SUGCT: variants seen among roughly 807,000 people sequenced by gnomAD.
The protein encoded by SUGCT is succinyl-CoA:glutarate CoA-transferase.
Under a neutral mutation model 55.0 loss-of-function variants are expected in SUGCT, and 41 were observed. The observed-to-expected ratio is 0.74, with a 90% confidence interval of 0.58 to 0.97. The LOEUF (loss-of-function observed/expected upper bound fraction) is 0.97. SUGCT is among the 50% of genes least tolerant of loss of function. SUGCT has a pLI of 0.00. For missense variants in SUGCT, 568 were observed against 547.8 expected, an observed-to-expected ratio of 1.04 and a Z score of -0.37; for synonymous variants, 187 against 200.4, an observed-to-expected ratio of 0.93 and a Z score of 0.56.
At chr7:40,281,526 A>T (rs1035137954) in intron 8 of SUGCT, among the ~76,000 whole-genome samples, 3 of 152,224 alleles carry the variant, frequency 2.0e-5, no homozygotes, top group Non-Finnish European at 4.4e-5. Context: ...TACCTAATTT[A>T]TTGTAAGTTT....
intron 9 of SUGCT, among the ~76,000 whole-genome samples, chr7:40,370,214 A>G (rs1294131619): frequency 1.3e-5 from 2 of 152,164 alleles, no homozygotes; most frequent in South Asian, 2.1e-4. Context: ...CTTTCCTCTC[A>G]GCTTAATTAG....
At chr7:40,141,804 A>C (rs1404301248) in intron 1 of SUGCT, 1 of 393,872 alleles carries the variant, frequency 2.5e-6, no homozygotes, top group Admixed American at 2.6e-5. Flanking sequence ...GGAATATAAA[A>C]TTTTCTTTTT....
At chr7:41,030,942 G>A in the SUGCT span, among the ~76,000 whole-genome samples, 7 of 152,094 alleles carry the variant, frequency 4.6e-5, no homozygotes, top group Non-Finnish European at 1.0e-4. Context: ...AATGTAGTAG[G>A]AACCAAGTGC....
intron 1 of SUGCT, among the ~76,000 whole-genome samples, chr7:40,168,582 G>A (rs1265723112): frequency 2.0e-5 from 3 of 152,058 alleles, no homozygotes; most frequent in African/African-American, 7.3e-5. Flanking sequence ...CACTTCACAG[G>A]CCCTGACTAT....
intron 11 of SUGCT, among the ~76,000 whole-genome samples, chr7:40,475,052 C>A (rs1286445393): frequency 6.6e-6 from 1 of 152,166 alleles, no homozygotes; most frequent in Non-Finnish European, 1.5e-5. Context: ...AAGCTATGTG[C>A]CACGTTGACT....
At chr7:40,349,883 A>G (rs1583484112) in intron 9 of SUGCT, among the ~76,000 whole-genome samples, 1 of 152,266 alleles carries the variant, frequency 6.6e-6, no homozygotes, top group South Asian at 2.1e-4. Context: ...TGCTCTACTA[A>G]TGCTACATTG....
At chr7:40,408,578 T>G (rs180754214) in intron 9 of SUGCT, among the ~76,000 whole-genome samples, 1 of 152,282 alleles carries the variant, frequency 6.6e-6, no homozygotes, top group Non-Finnish European at 1.5e-5. Context: ...GTTGCATCAT[T>G]GTGGAGGGAA....
intron 9 of SUGCT, among the ~76,000 whole-genome samples, chr7:40,440,500 A>C (rs1184894046): frequency 6.6e-6 from 1 of 152,034 alleles, no homozygotes; most frequent in East Asian, 1.9e-4. Context: ...CTGGTACCCA[A>C]GTCTTACTCA....
At chr7:40,813,829 T>G (rs551211708) in intron 13 of SUGCT, among the ~76,000 whole-genome samples, 1 of 152,302 alleles carries the variant, frequency 6.6e-6, no homozygotes, top group Non-Finnish European at 1.5e-5. Context: ...GCTATGTCCT[T>G]AAGTGTGTTT....
intron 6 of SUGCT, among the ~76,000 whole-genome samples, chr7:40,203,756 C>T (rs1383744662): frequency 2.0e-5 from 3 of 149,334 alleles, no homozygotes; most frequent in African/African-American, 5.0e-5. Flanking sequence ...GCCTGGGCAT[C>T]AGAGTGAGAC....
At chr7:40,221,329 G>A (rs1471151407) in intron 6 of SUGCT, among the ~76,000 whole-genome samples, 5 of 150,270 alleles carry the variant, frequency 3.3e-5, no homozygotes, top group East Asian at 4.0e-4. Context: ...CACAAGACTC[G>A]CTTGAACCTG....
At chr7:40,277,677 G>GTTGTTATTATTA (rs71560188) in intron 8 of SUGCT, among the ~76,000 whole-genome samples, 2 of 144,896 alleles carry the variant, frequency 1.4e-5, no homozygotes, top group Non-Finnish European at 3.0e-5. Flanking sequence ...TGTTCTTTTT[G>GTTGTTATTATTA]TTATTATTAT....
At chr7:40,135,259 C>T (rs1200533510) in intron 1 of SUGCT, 139 bp downstream of exon 1, 6 of 1,125,756 alleles carry the variant, frequency 5.3e-6, no homozygotes, top group East Asian at 6.1e-5. Flanking sequence ...CCCTGCAACC[C>T]CGTTCCGTGG....
chr7:40,657,743 C>T (rs989312750), intron 12 of SUGCT, among the ~76,000 whole-genome samples: 4 of 152,184 alleles, frequency 2.6e-5, no homozygotes, highest in African/African-American at 4.8e-5. Flanking sequence ...GCCATGTTGG[C>T]CACGCTGATC....
intron 3 of SUGCT, among the ~76,000 whole-genome samples, chr7:40,186,761 T>C (rs768300947): frequency 6.6e-6 from 1 of 152,190 alleles, no homozygotes. Context: ...ATTTCAGCAT[T>C]GTCTCCACTA....
intron 13 of SUGCT, among the ~76,000 whole-genome samples, chr7:40,822,426 T>C (rs1482500627): frequency 6.6e-6 from 1 of 152,178 alleles, no homozygotes; most frequent in East Asian, 1.9e-4. Context: ...TCTAAGGACT[T>C]GCTTTATGAA....
intron 7 of SUGCT, among the ~76,000 whole-genome samples, chr7:40,252,960 G>A (rs1327867455): frequency 6.6e-6 from 1 of 152,162 alleles, no homozygotes; most frequent in African/African-American, 2.4e-5. Context: ...ACTTATTAAA[G>A]CTAATGAATA....
At position 40,382,399 on chromosome 7, in the gene SUGCT, G is replaced by A. The variant is rs373386060; in HGVS notation, c.816+65544G>A. Among the ~76,000 whole-genome samples, 11 of 152,280 alleles carry A rather than the reference G, an allele frequency of 7.2e-5. No individual in the cohort carries two copies. The East Asian group carries it at 1.4e-3, about 19-fold the overall frequency. On this transcript the variant is annotated intron_variant, in intron 9 of 13. Transcript: ENST00000335693. ...TATGTAGTCCCTTGAGGGCACATGA[G>A]TCTCAGGATTTGGCACTTCCACTCC... is the stretch of plus-strand genomic sequence containing the variant.
At chr7:40,224,407 T>C (rs1584387986) in intron 6 of SUGCT, among the ~76,000 whole-genome samples, 1 of 143,326 alleles carries the variant, frequency 7.0e-6, no homozygotes, top group African/African-American at 3.0e-5. Context: ...TGCGTGTGTG[T>C]GTGTGTGTGT....
Sources: allele counts gnomAD v4.1 joint callset (sites outside exome capture counted in the v4.1 genomes callset), GRCh38; gene constraint gnomAD v4.1.1; transcripts MANE v1.5; gene names NCBI Gene and HGNC (gene_info 2026-07-23, HGNC 2026-07-21).